Variants in PABPC4L observed in about 807,000 individuals in gnomAD.
PABPC4L encodes the protein poly(A) binding protein cytoplasmic 4 like.
For missense variants in PABPC4L, 452 were observed against 451.4 expected, an observed-to-expected ratio of 1.00 and a Z score of -0.01; for synonymous variants, 169 against 164.1, an observed-to-expected ratio of 1.03 and a Z score of -0.23.
chr4:134,030,029 G>A, the PABPC4L span, among the ~76,000 whole-genome samples: 2 of 152,004 alleles, frequency 1.3e-5, no homozygotes, highest in African/African-American at 4.8e-5. Flanking sequence ...AGATGTGTTA[G>A]CTTCCCCTTC....
the PABPC4L span, among the ~76,000 whole-genome samples, chr4:133,983,675 A>G: frequency 6.6e-6 from 1 of 151,928 alleles, no homozygotes; most frequent in African/African-American, 2.4e-5. Context: ...TCAGATTACT[A>G]AGTGGATATA....
chr4:134,099,283 T>C, the PABPC4L span, among the ~76,000 whole-genome samples: 1 of 151,670 alleles, frequency 6.6e-6, no homozygotes, highest in Non-Finnish European at 1.5e-5. Flanking sequence ...GACTCTTTTA[T>C]ATAAGTTTTA....
At chr4:134,188,337 GATCA>G in the PABPC4L span, among the ~76,000 whole-genome samples, 1,039 of 152,172 alleles carry the variant, frequency 6.8e-3, 12 homozygotes, top group Non-Finnish European at 0.012. Context: ...TTATTTGGTA[GATCA>G]ATTAAAGGGA....
the PABPC4L span, among the ~76,000 whole-genome samples, chr4:133,968,775 T>C: frequency 3.9e-5 from 6 of 152,312 alleles, no homozygotes; most frequent in African/African-American, 1.4e-4. Flanking sequence ...GTTTCTAGGT[T>C]ACAGGCAGGT....
chr4:133,980,932 C>G, the PABPC4L span, among the ~76,000 whole-genome samples: 1 of 152,066 alleles, frequency 6.6e-6, no homozygotes, highest in African/African-American at 2.4e-5. Flanking sequence ...CCGAAGTGGG[C>G]AGATCATTTG....
the PABPC4L span, among the ~76,000 whole-genome samples, chr4:134,089,775 CTG>C: frequency 1.3e-5 from 2 of 151,964 alleles, no homozygotes; most frequent in Non-Finnish European, 2.9e-5. Flanking sequence ...TTCCATAGGG[CTG>C]AGCGCAGACT....
At chr4:134,097,317 C>G in the PABPC4L span, among the ~76,000 whole-genome samples, 1 of 151,894 alleles carries the variant, frequency 6.6e-6, no homozygotes, top group African/African-American at 2.4e-5. Flanking sequence ...ATCCACTAAA[C>G]AGCTGAACAT....
the PABPC4L span, among the ~76,000 whole-genome samples, chr4:134,113,054 GA>G: frequency 4.6e-5 from 7 of 151,662 alleles, no homozygotes; most frequent in Non-Finnish European, 1.0e-4. Flanking sequence ...TTTAAAAATG[GA>G]AAAAAATTTA....
chr4:134,115,523 G>A, the PABPC4L span, among the ~76,000 whole-genome samples: 1 of 151,800 alleles, frequency 6.6e-6, no homozygotes, highest in Non-Finnish European at 1.5e-5. Flanking sequence ...AGGAGATCTA[G>A]AATAAGAGAA....
At chr4:134,136,741 C>A in the PABPC4L span, among the ~76,000 whole-genome samples, 6 of 152,054 alleles carry the variant, frequency 3.9e-5, no homozygotes, top group Admixed American at 3.9e-4. Flanking sequence ...TCATCTCAAG[C>A]CTTTCCACTG....
chr4:134,008,446 T>C, the PABPC4L span, among the ~76,000 whole-genome samples: 2 of 151,546 alleles, frequency 1.3e-5, no homozygotes, highest in Admixed American at 6.6e-5. Flanking sequence ...AAAGTGAGCC[T>C]ATAAGAAAGT....
the PABPC4L span, among the ~76,000 whole-genome samples, chr4:133,999,183 G>T: frequency 6.6e-6 from 1 of 152,062 alleles, no homozygotes; most frequent in South Asian, 2.1e-4. Context: ...GTTTCTTTGG[G>T]TCTTGACTTC....
the PABPC4L span, among the ~76,000 whole-genome samples, chr4:134,131,360 A>C: frequency 6.6e-6 from 1 of 152,100 alleles, no homozygotes; most frequent in Non-Finnish European, 1.5e-5. Flanking sequence ...AGGAAACAAA[A>C]TTAATGTACC....
At chr4:134,164,131 C>G in the PABPC4L span, among the ~76,000 whole-genome samples, 1 of 149,570 alleles carries the variant, frequency 6.7e-6, no homozygotes, top group Non-Finnish European at 1.5e-5. Context: ...GGCGTAGTGG[C>G]GGGCGCCTGT....
the PABPC4L span, among the ~76,000 whole-genome samples, chr4:134,069,632 T>C: frequency 6.6e-6 from 1 of 152,236 alleles, no homozygotes; most frequent in Non-Finnish European, 1.5e-5. Context: ...GTGATAGTAT[T>C]CTGAAATTTT....
chr4:134,063,716 T>C, the PABPC4L span, among the ~76,000 whole-genome samples: 1 of 152,024 alleles, frequency 6.6e-6, no homozygotes, highest in African/African-American at 2.4e-5. Context: ...TTGTTTAATA[T>C]ATAAAATGAA....
chr4:134,143,405 T>C, the PABPC4L span, among the ~76,000 whole-genome samples: 1 of 150,268 alleles, frequency 6.7e-6, no homozygotes, highest in Non-Finnish European at 1.5e-5. Flanking sequence ...TGTATTATAT[T>C]CATATATATT....
chr4:133,959,378 G>T, the PABPC4L span, among the ~76,000 whole-genome samples: 24 of 152,292 alleles, frequency 1.6e-4, no homozygotes, highest in Admixed American at 1.4e-3. Context: ...AGGCCCCTCT[G>T]CAGAGCTGAC....
chr4:134,026,813 G>A, the PABPC4L span, among the ~76,000 whole-genome samples: 10 of 152,114 alleles, frequency 6.6e-5, no homozygotes, highest in Non-Finnish European at 1.5e-4. Flanking sequence ...ATTTTCTTGA[G>A]AAGATGAAAA....
Sources: gnomAD v4.1 joint callset for allele counts (sites outside exome capture counted in the v4.1 genomes callset) on GRCh38, gnomAD v4.1.1 for gene constraint, MANE v1.5 for transcripts, NCBI Gene and HGNC (gene_info 2026-07-23, HGNC 2026-07-21) for gene names.